Variants in CDH13 observed in about 807,000 individuals in gnomAD.
CDH13 encodes the protein cadherin 13.
Under a neutral mutation model 63.8 loss-of-function variants are expected in CDH13, and 24 were observed. The observed-to-expected ratio is 0.38, with a 90% CI of 0.27 to 0.53. The LOEUF is 0.53. CDH13 is among the 20% of genes least tolerant of loss of function. CDH13 has a pLI of 0.85. For missense variants in CDH13, 1,049 were observed against 903.1 expected (o/e 1.16, Z -2.07); for synonymous variants, 503 against 355.3 (o/e 1.42, Z -4.67).
chr16:82,834,470 A>T (rs2038679641), intron 1 of CDH13, among the ~76,000 whole-genome samples: 1 of 152,090 alleles, frequency 6.6e-6, no homozygotes, highest in African/African-American at 2.4e-5. Context: ...TCCCCCTCTA[A>T]AAAAAAGAAA....
intron 1 of CDH13, among the ~76,000 whole-genome samples, chr16:82,748,249 A>G (rs1254514211): frequency 6.6e-6 from 1 of 152,230 alleles, no homozygotes. Flanking sequence ...CCCACAGGAA[A>G]TTAGTCTCAT....
At chr16:83,235,697 T>C (rs2040125020) in intron 5 of CDH13, among the ~76,000 whole-genome samples, 2 of 151,798 alleles carry the variant, frequency 1.3e-5, no homozygotes, top group African/African-American at 2.4e-5. Flanking sequence ...GGTAATTTAC[T>C]GCAAGTTTAT....
At chr16:83,397,085 T>A (rs1343582043) in intron 6 of CDH13, among the ~76,000 whole-genome samples, 4 of 152,050 alleles carry the variant, frequency 2.6e-5, no homozygotes, top group Non-Finnish European at 5.9e-5. Flanking sequence ...GCTTTCCTGA[T>A]CTCACCGCCG....
intron 4 of CDH13, among the ~76,000 whole-genome samples, chr16:83,216,482 TTTTA>T (rs1479511036): frequency 3.9e-5 from 5 of 128,222 alleles, no homozygotes; most frequent in Non-Finnish European, 6.6e-5. Context: ...AACATATATA[TTTTA>T]TTTATTATAT....
At chr16:83,363,393 T>G (rs1282768928) in intron 6 of CDH13, among the ~76,000 whole-genome samples, 1 of 152,224 alleles carries the variant, frequency 6.6e-6, no homozygotes, top group African/African-American at 2.4e-5. Flanking sequence ...TGTGTATACA[T>G]GCATTGTGGG....
chr16:83,583,113 A>G (rs948431037), intron 7 of CDH13, among the ~76,000 whole-genome samples: 1 of 152,154 alleles, frequency 6.6e-6, no homozygotes, highest in African/African-American at 2.4e-5. Context: ...CTTAGTTTCC[A>G]GCTGCAAAGC....
chr16:82,780,387 G>A (rs572888830), intron 1 of CDH13, among the ~76,000 whole-genome samples: 1 of 152,256 alleles, frequency 6.6e-6, no homozygotes, highest in East Asian at 1.9e-4. Flanking sequence ...GACTGCACGG[G>A]ACCAGAGGAT....
chr16:82,861,653 A>C (rs576266095), intron 2 of CDH13, among the ~76,000 whole-genome samples: 3 of 152,176 alleles, frequency 2.0e-5, no homozygotes, highest in Non-Finnish European at 4.4e-5. Flanking sequence ...TTATTTCCCT[A>C]ATATTTTATT....
chr16:83,793,265 G>T (rs1272590324), intron 13 of CDH13, among the ~76,000 whole-genome samples: 3 of 152,136 alleles, frequency 2.0e-5, no homozygotes, highest in Admixed American at 2.0e-4. Context: ...ACGTGCTTGC[G>T]AGGAGTAAGG....
At chr16:83,262,864 C>T (rs1907154458) in intron 5 of CDH13, among the ~76,000 whole-genome samples, 2 of 152,000 alleles carry the variant, frequency 1.3e-5, no homozygotes, top group African/African-American at 4.8e-5. Context: ...ATTTGGACCA[C>T]CAATTGAGTA....
intron 5 of CDH13, among the ~76,000 whole-genome samples, chr16:83,234,591 G>A (rs540931917): frequency 1.2e-4 from 18 of 152,304 alleles, no homozygotes; most frequent in Admixed American, 1.1e-3. Context: ...GGGTTCAGGT[G>A]TGGCGTGAGT....
At chr16:82,727,955 C>T (rs536254686) in intron 1 of CDH13, among the ~76,000 whole-genome samples, 2 of 152,228 alleles carry the variant, frequency 1.3e-5, no homozygotes, top group Admixed American at 1.3e-4. Flanking sequence ...TTCAAATTCC[C>T]CTGAATGAGA....
chr16:83,450,684 C>G (rs1567680986), intron 6 of CDH13, among the ~76,000 whole-genome samples: 4 of 152,138 alleles, frequency 2.6e-5, no homozygotes, highest in African/African-American at 9.7e-5. Context: ...TCCTGGCTAA[C>G]ATAGTGAAAC....
chr16:83,180,497 C>G (rs1370481050), intron 4 of CDH13, among the ~76,000 whole-genome samples: 1 of 152,144 alleles, frequency 6.6e-6, no homozygotes, highest in East Asian at 1.9e-4. Flanking sequence ...GTAGGACTCA[C>G]CTTTTGGTGG....
chr16:82,891,256 C>G (rs2041071388), intron 2 of CDH13, among the ~76,000 whole-genome samples: 1 of 152,054 alleles, frequency 6.6e-6, no homozygotes, highest in South Asian at 2.1e-4. Context: ...CTTGGGGACT[C>G]TTAATTTCCT....
At chr16:83,542,222 C>G (rs1039871222) in intron 7 of CDH13, among the ~76,000 whole-genome samples, 1 of 152,172 alleles carries the variant, frequency 6.6e-6, no homozygotes, top group Non-Finnish European at 1.5e-5. Flanking sequence ...CAGTTCTGAG[C>G]CTTGGTTGCA....
chr16:83,644,282 C>G (rs1216206764), intron 8 of CDH13, among the ~76,000 whole-genome samples: 1 of 152,188 alleles, frequency 6.6e-6, no homozygotes, highest in Non-Finnish European at 1.5e-5. Flanking sequence ...TCCATAATGC[C>G]AAACAATATG....
chr16:83,298,129 G>C, intron 5 of CDH13, among the ~76,000 whole-genome samples: 1 of 151,810 alleles, frequency 6.6e-6, no homozygotes, highest in East Asian at 1.9e-4. Flanking sequence ...TGTGGTTCCA[G>C]CTACTCAGGA....
rs191163805 is a variant in CDH13, at chr16:83,043,079, C to T, written c.366+10861C>T. Among the ~76,000 whole-genome samples the T allele has an allele frequency of 3.3e-5, 5 of 152,150 alleles. No individual in the cohort carries two copies. The East Asian group carries it at 9.7e-4, about 29-fold the overall frequency. On this transcript the variant is annotated intron_variant, in intron 3 of 13. Coordinates refer to ENST00000567109, the MANE Select transcript of CDH13 (RefSeq NM_001257.5). ...TTATTGTACGGATCCAAGAATTGGG[C>T]CTAGAATTCAATAATAGGCTGTTAC...
Sources: gnomAD v4.1 joint callset for allele counts (sites outside exome capture counted in the v4.1 genomes callset) on GRCh38, gnomAD v4.1.1 for gene constraint, MANE v1.5 for transcripts, NCBI Gene and HGNC (gene_info 2026-07-23, HGNC 2026-07-21) for gene names.